GRM7: variants seen among roughly 807,000 people sequenced by gnomAD.
The protein encoded by GRM7 is metabotropic glutamate receptor 7.
GRM7 carries 35 observed loss-of-function variants against 84.5 expected under a neutral mutation model. That is an observed-to-expected ratio of 0.41 (90% CI 0.32 to 0.55). The LOEUF is 0.55. GRM7 is among the 20% of genes least tolerant of loss of function. The pLI, the probability that GRM7 is intolerant of heterozygous loss-of-function variation, is 0.19. For synonymous variants in GRM7, 487 were observed against 455.1 expected, an observed-to-expected ratio of 1.07 and a Z score of -0.89; for missense variants, 1,003 against 1,194.6, an observed-to-expected ratio of 0.84 and a Z score of 2.36.
intron 1 of GRM7, among the ~76,000 whole-genome samples, chr3:7,095,987 C>G (rs1698846705): frequency 6.6e-6 from 1 of 152,122 alleles, no homozygotes; most frequent in Non-Finnish European, 1.5e-5. Context: ...CATATTCACA[C>G]AGTTTACTGC....
intron 4 of GRM7, among the ~76,000 whole-genome samples, chr3:7,393,824 G>A (rs1350460795): frequency 6.6e-6 from 1 of 152,130 alleles, no homozygotes; most frequent in Non-Finnish European, 1.5e-5. Flanking sequence ...TATCAAGTAA[G>A]TCTTCATTCA....
At chr3:7,081,635 G>C (rs184256848) in intron 1 of GRM7, among the ~76,000 whole-genome samples, 58 of 152,232 alleles carry the variant, frequency 3.8e-4, no homozygotes, top group Admixed American at 1.2e-3. Flanking sequence ...TAAGCTTAGT[G>C]AGGAAGGCAT....
chr3:6,923,042 G>A (rs374943848), intron 1 of GRM7, among the ~76,000 whole-genome samples: 11,043 of 151,858 alleles, frequency 0.073, 542 homozygotes, highest in Non-Finnish European at 0.11. Flanking sequence ...TTGCAACGGA[G>A]TCTTGCTCTG....
At chr3:7,240,120 G>GTTTTTTTTTTTTTTTT (rs397988598) in intron 2 of GRM7, among the ~76,000 whole-genome samples, 3 of 52,722 alleles carry the variant, frequency 5.7e-5, no homozygotes, top group African/African-American at 1.4e-4. Flanking sequence ...AGCATGTGAG[G>GTTTTTTTTTTTTTTTT]TTTTTTTTTT....
intron 2 of GRM7, among the ~76,000 whole-genome samples, chr3:7,232,981 C>A (rs977383650): frequency 1.3e-5 from 2 of 152,082 alleles, no homozygotes; most frequent in Non-Finnish European, 2.9e-5. Flanking sequence ...ATAAAGAGCT[C>A]GTCTGAACAC....
At chr3:7,406,429 GA>G (rs971612062) in intron 4 of GRM7, among the ~76,000 whole-genome samples, 41 of 151,138 alleles carry the variant, frequency 2.7e-4, no homozygotes, top group African/African-American at 1.0e-3. Flanking sequence ...GAACCCGGGG[GA>G]CGGAGCTTGC....
intron 2 of GRM7, among the ~76,000 whole-genome samples, chr3:7,216,068 A>T (rs1443840814): frequency 6.6e-6 from 1 of 152,226 alleles, no homozygotes; most frequent in African/African-American, 2.4e-5. Context: ...TAATCTTTTA[A>T]AAATAATAAA....
intron 4 of GRM7, among the ~76,000 whole-genome samples, chr3:7,399,266 T>G (rs1695347264): frequency 6.6e-6 from 1 of 152,084 alleles, no homozygotes; most frequent in Non-Finnish European, 1.5e-5. Flanking sequence ...CTCTAAGCTC[T>G]AGATCCAATC....
intron 8 of GRM7, among the ~76,000 whole-genome samples, chr3:7,595,519 G>A (rs1695997037): frequency 6.6e-6 from 1 of 152,142 alleles, no homozygotes; most frequent in Non-Finnish European, 1.5e-5. Flanking sequence ...GTGATATGAT[G>A]GGAGGGAGAG....
chr3:7,167,136 A>C (rs771710814), intron 2 of GRM7, among the ~76,000 whole-genome samples: 9 of 152,210 alleles, frequency 5.9e-5, no homozygotes. Context: ...TTTCCAATCA[A>C]TCAAATATTT....
chr3:6,934,558 T>G (rs1697621717), intron 1 of GRM7, among the ~76,000 whole-genome samples: 1 of 152,176 alleles, frequency 6.6e-6, no homozygotes, highest in Non-Finnish European at 1.5e-5. Flanking sequence ...AGTATTTGTA[T>G]GTATCTATAG....
chr3:7,004,109 G>A (rs970628538), intron 1 of GRM7, among the ~76,000 whole-genome samples: 1 of 152,138 alleles, frequency 6.6e-6, no homozygotes, highest in Non-Finnish European at 1.5e-5. Flanking sequence ...AAGCTGCATG[G>A]TCTTTAATTA....
At chr3:7,364,335 G>A (rs998644638) in intron 4 of GRM7, among the ~76,000 whole-genome samples, 1 of 151,404 alleles carries the variant, frequency 6.6e-6, no homozygotes, top group Admixed American at 6.6e-5. Flanking sequence ...TCACAGTTTT[G>A]GTTTGAGGCA....
chr3:7,128,917 A>C (rs1462595595), intron 1 of GRM7, among the ~76,000 whole-genome samples: 2 of 152,128 alleles, frequency 1.3e-5, no homozygotes, highest in African/African-American at 4.8e-5. Flanking sequence ...ACTATCATAA[A>C]GTTGCTTTTA....
intron 8 of GRM7, among the ~76,000 whole-genome samples, chr3:7,622,056 C>T (rs1343648589): frequency 2.0e-5 from 3 of 152,132 alleles, no homozygotes; most frequent in Admixed American, 6.6e-5. Flanking sequence ...AAAGTTGTCA[C>T]GGGCTCAATT....
chr3:7,513,640 T>C (rs1700283280), intron 7 of GRM7, among the ~76,000 whole-genome samples: 1 of 152,198 alleles, frequency 6.6e-6, no homozygotes, highest in Non-Finnish European at 1.5e-5. Context: ...TAATAAATGC[T>C]TGAGGTGATG....
chr3:6,945,719 C>T (rs1460160443), intron 1 of GRM7, among the ~76,000 whole-genome samples: 8 of 152,156 alleles, frequency 5.3e-5, no homozygotes, highest in African/African-American at 1.7e-4. Flanking sequence ...TCCTCTCCAG[C>T]ACCTGTTGTT....
At position 6,861,535 on chromosome 3, in the gene GRM7, C is replaced by A; in HGVS notation, c.147C>A (p.Val49=). Residue 49 remains valine, a synonymous_variant, in exon 1 of 10, where the codon GTC becomes GTA. Transcript: ENST00000357716. This position sits in a 1 kb window ranked among gnomAD's most constrained non-coding sequence, Gnocchi z 6.4. ...ACTCAATCCGGATCGAGGGGGACGT[C>A]ACCCTCGGGGGGCTGTTCCCCGTGC... The part of the protein sequence containing the change: ...APHSIRIEGD[V]TLGGLFPVHA... The A allele has an allele frequency of 6.3e-7, 1 of 1,581,480 alleles. No individual in the cohort carries two copies. Among genetic ancestry groups the A allele is most frequent in the Non-Finnish European group, 8.6e-7 (1 of 1,164,308 alleles).
At chr3:7,222,513 C>T (rs1016777975) in intron 2 of GRM7, among the ~76,000 whole-genome samples, 1 of 152,094 alleles carries the variant, frequency 6.6e-6, no homozygotes, top group Non-Finnish European at 1.5e-5. Context: ...AGCCAATGGC[C>T]TGAATGAGTT....
Sources: gnomAD v4.1 joint callset for allele counts (sites outside exome capture counted in the v4.1 genomes callset) on GRCh38, gnomAD v4.1.1 for gene constraint, Gnocchi (gnomAD v3.1) non-coding constraint, MANE v1.5 for transcripts, NCBI Gene and HGNC (gene_info 2026-07-23, HGNC 2026-07-21) for gene names.